MGST2: variants seen among roughly 807,000 people sequenced by gnomAD.
MGST2 encodes the protein microsomal glutathione S-transferase 2, also known as glutathione peroxidase MGST2.
Under a neutral mutation model 16.6 loss-of-function variants are expected in MGST2, and 9 were observed. The ratio of observed to expected loss-of-function variants is 0.54; its 90% confidence interval spans 0.33 to 0.95. MGST2 has a LOEUF of 0.95. Ranked by LOEUF, MGST2 falls within the 40% of genes least tolerant of loss-of-function variation. The pLI, the probability that MGST2 is intolerant of heterozygous loss-of-function variation, is 0.03. For missense variants in MGST2, 159 were observed against 175.1 expected (o/e 0.91, Z 0.52); for synonymous variants, 79 against 68.0 (o/e 1.16, Z -0.79).
At chr4:139,690,305 A>G (rs896272937) in intron 2 of MGST2, among the ~76,000 whole-genome samples, 3 of 151,646 alleles carry the variant, frequency 2.0e-5, no homozygotes, top group African/African-American at 4.8e-5. Flanking sequence ...AATTTTTTTA[A>G]AAAAATTTTA....
intron 2 of MGST2, chr4:139,687,643 A>G (rs1437159550): frequency 6.6e-6 from 1 of 152,152 alleles, no homozygotes; most frequent in Non-Finnish European, 1.5e-5. Flanking sequence ...CAAAGTTATG[A>G]CTAATTCTAT....
chr4:139,738,198 G>C (rs1203982402), intron 5 of MGST2, among the ~76,000 whole-genome samples: 1 of 152,240 alleles, frequency 6.6e-6, no homozygotes, highest in Non-Finnish European at 1.5e-5. Flanking sequence ...GGTGAGGGAA[G>C]TGCTGTGTTT....
chr4:139,673,464 T>A (rs958629875), intron 1 of MGST2, among the ~76,000 whole-genome samples: 5 of 152,148 alleles, frequency 3.3e-5, no homozygotes, highest in Non-Finnish European at 7.3e-5. Flanking sequence ...CAGGCTGGAG[T>A]GCATTGATCC....
chr4:139,706,327 C>T (rs1727517280), downstream of MGST2, among the ~76,000 whole-genome samples: 4 of 152,170 alleles, frequency 2.6e-5, no homozygotes, highest in Non-Finnish European at 5.9e-5. Flanking sequence ...AGAACCAGAC[C>T]ACCCTATCCT....
intron 5 of MGST2, among the ~76,000 whole-genome samples, chr4:139,725,227 G>A (rs1004570079): frequency 3.9e-5 from 6 of 152,136 alleles, no homozygotes; most frequent in African/African-American, 9.7e-5. Context: ...GGCCCTATTT[G>A]TCTTCTACAT....
chr4:139,750,704 C>G, the MGST2 span, among the ~76,000 whole-genome samples: 1 of 152,154 alleles, frequency 6.6e-6, no homozygotes, highest in African/African-American at 2.4e-5. Context: ...GGCTCAATTA[C>G]TTTCTTTGTA....
intron 1 of MGST2, among the ~76,000 whole-genome samples, chr4:139,673,356 T>C (rs1423540338): frequency 6.6e-6 from 1 of 152,154 alleles, no homozygotes; most frequent in African/African-American, 2.4e-5. Flanking sequence ...ACTGGGCAGC[T>C]AATGCTTAAG....
At chr4:139,714,388 G>C (rs1727857508) in intron 5 of MGST2, among the ~76,000 whole-genome samples, 1 of 152,138 alleles carries the variant, frequency 6.6e-6, no homozygotes, top group South Asian at 2.1e-4. Context: ...AATCTGACTG[G>C]GAAGAAATTC....
At chr4:139,718,562 C>T (rs1007754393) in intron 5 of MGST2, 1 of 152,486 alleles carries the variant, frequency 6.6e-6, no homozygotes, top group Non-Finnish European at 1.5e-5. Context: ...TCCAGCCCCA[C>T]CTGGAGGGAC....
chr4:139,751,769 G>C, the MGST2 span, among the ~76,000 whole-genome samples: 30 of 152,192 alleles, frequency 2.0e-4, no homozygotes, highest in Non-Finnish European at 3.8e-4. Context: ...AATACACTCA[G>C]CCCAGGTCAC....
intron 1 of MGST2, among the ~76,000 whole-genome samples, chr4:139,668,390 T>G (rs814272): frequency 0.58 from 87,551 of 152,074 alleles, 27,010 homozygotes; most frequent in East Asian, 0.86. Flanking sequence ...GAATGTAGAC[T>G]TTCCCCACAA....
chr4:139,711,467 G>A (rs775319512), intron 5 of MGST2, among the ~76,000 whole-genome samples: 1 of 152,174 alleles, frequency 6.6e-6, no homozygotes, highest in Non-Finnish European at 1.5e-5. Flanking sequence ...TACTAAACAA[G>A]GGGTGGATTA....
At chr4:139,746,644 T>A in the MGST2 span, among the ~76,000 whole-genome samples, 2 of 152,142 alleles carry the variant, frequency 1.3e-5, no homozygotes, top group African/African-American at 2.4e-5. Context: ...TCCCACAGTA[T>A]CTAAAGGAAC....
intron 5 of MGST2, chr4:139,719,084 C>T: frequency 2.0e-6 from 1 of 494,542 alleles, no homozygotes; most frequent in South Asian, 3.2e-5. Flanking sequence ...CGGGTGTCTC[C>T]CTCTCTCGCA....
the MGST2 span, among the ~76,000 whole-genome samples, chr4:139,749,949 G>T: frequency 7.1e-6 from 1 of 141,590 alleles, no homozygotes; most frequent in Non-Finnish European, 1.5e-5. Flanking sequence ...TTAAGAATAA[G>T]AAAAGAGATG....
Position 139,713,473 on chromosome 4 carries a change from CAGA to C in MGST2, c.*48+9279_*48+9281del, listed in dbSNP as rs1339736573. 1.9e-3 allele frequency among the ~76,000 whole-genome samples: 8 copies of C among 4,120 alleles called. 1 individual carries two copies. The highest frequency in any genetic ancestry group is 3.8e-3 in the African/African-American group (6 of 1,580). 2.7% of individuals were successfully genotyped at this position (4,120 alleles called of 152,430 possible). On this transcript the variant is annotated intron_variant, in intron 5 of 5. Coordinates refer to the MGST2 transcript ENST00000616265. ...CGTGTGTTCATTAAGAGTGGCAAGA[CAGA>C]AAAAAAAAAAAAAAAAAAAAAGGAG...
chr4:139,740,398 T>G (rs1336615281), exon 6 of MGST2: 1 of 152,164 alleles, frequency 6.6e-6, no homozygotes, highest in Non-Finnish European at 1.5e-5. Context: ...AAGTGGCCGC[T>G]GTCAGGACAC....
At chr4:139,736,415 C>G (rs917940267) in intron 5 of MGST2, among the ~76,000 whole-genome samples, 1 of 152,166 alleles carries the variant, frequency 6.6e-6, no homozygotes, top group Admixed American at 6.5e-5. Context: ...GAATCGAACA[C>G]CCACGATGGC....
At chr4:139,669,458 A>G (rs1199803314) in intron 1 of MGST2, among the ~76,000 whole-genome samples, 1 of 152,228 alleles carries the variant, frequency 6.6e-6, no homozygotes, top group Non-Finnish European at 1.5e-5. Context: ...CGTTCAGGAT[A>G]CACTGCCCTT....
Sources: gnomAD v4.1 joint callset for allele counts (sites outside exome capture counted in the v4.1 genomes callset) on GRCh38, gnomAD v4.1.1 for gene constraint, MANE v1.5 for transcripts, NCBI Gene and HGNC (gene_info 2026-07-23, HGNC 2026-07-21) for gene names.